FHIT: variants seen among roughly 807,000 people sequenced by gnomAD.
FHIT encodes fragile histidine triad diadenosine triphosphatase.
In FHIT, 19 loss-of-function variants were observed where a neutral mutation model predicts 17.9. That is an observed-to-expected ratio of 1.06 (90% CI 0.74 to 1.56). FHIT has a LOEUF of 1.56. Among genes scored for constraint, FHIT ranks in the 40% most tolerant of loss-of-function variants. The pLI, the probability that FHIT is intolerant of heterozygous loss-of-function variation, is 0.00. For missense variants in FHIT, 248 were observed against 189.2 expected (o/e 1.31, Z -1.82); for synonymous variants, 81 against 69.7 (o/e 1.16, Z -0.81).
At chr3:60,857,223 T>C (rs1197864208) in intron 3 of FHIT, among the ~76,000 whole-genome samples, 1 of 152,098 alleles carries the variant, frequency 6.6e-6, no homozygotes, top group African/African-American at 2.4e-5. Context: ...AACAGACTCA[T>C]GGTAAAATAA....
intron 5 of FHIT, among the ~76,000 whole-genome samples, chr3:60,198,690 C>A (rs1161679693): frequency 6.6e-6 from 1 of 152,096 alleles, no homozygotes; most frequent in Non-Finnish European, 1.5e-5. Flanking sequence ...ATGAGAAAAG[C>A]CCAAGGGAGG....
intron 5 of FHIT, among the ~76,000 whole-genome samples, chr3:60,316,109 A>G (rs957687560): frequency 6.6e-6 from 1 of 152,190 alleles, no homozygotes; most frequent in African/African-American, 2.4e-5. Flanking sequence ...CTAAAATAGC[A>G]TTGTAATAAA....
intron 4 of FHIT, among the ~76,000 whole-genome samples, chr3:60,577,603 G>A (rs1472718945): frequency 1.3e-5 from 2 of 152,134 alleles, no homozygotes; most frequent in Non-Finnish European, 2.9e-5. Context: ...AGGTTGCAGA[G>A]TTCACCTCAG....
rs143767947 is a variant in FHIT at position 59,756,416 on chromosome 3, T to A, written c.349-4095A>T. Among the ~76,000 whole-genome samples, 114 of 152,256 alleles carry A rather than the reference T, an allele frequency of 7.5e-4. 1 individual carries two copies. The highest frequency in any genetic ancestry group is 2.4e-3 in the African/African-American group (100 of 41,538). Reference sequence around the variant, plus strand: ...CTTCTCATGGTAAAAGCTAAGGTCCTATGGTAAAAGAATGTGGTGGAGGTC... The same window carrying A: ...CTTCTCATGGTAAAAGCTAAGGTCCAATGGTAAAAGAATGTGGTGGAGGTC... On this transcript the variant is annotated intron_variant, in intron 8 of 9. Transcript: ENST00000492590.
rs138499965 is a variant in FHIT at position 60,157,505 on chromosome 3, G to A, written c.104-143353C>T. Among the ~76,000 whole-genome samples, 603 of 152,228 alleles carry A rather than the reference G, an allele frequency of 4.0e-3. 5 individuals are homozygous for A. The highest frequency in any genetic ancestry group is 0.013 in the African/African-American group (542 of 41,548). On this transcript the variant is annotated intron_variant, in intron 5 of 9. Coordinates refer to ENST00000492590, the MANE Select transcript of FHIT (RefSeq NM_002012.4). The stretch of plus-strand genomic sequence containing the variant: ...AAAAAAAATAATAATAATAGCTCTT[G>A]TATTAGCATCCCAAGCAGTCTGGTG...
intron 4 of FHIT, among the ~76,000 whole-genome samples, chr3:60,794,205 T>C (rs1267679725): frequency 1.3e-5 from 2 of 152,214 alleles, no homozygotes; most frequent in Non-Finnish European, 2.9e-5. Context: ...AAACATTCTT[T>C]TTAAAAATAT....
At chr3:60,883,366 C>G (rs1049679618) in intron 3 of FHIT, among the ~76,000 whole-genome samples, 1 of 151,916 alleles carries the variant, frequency 6.6e-6, no homozygotes, top group African/African-American at 2.4e-5. Context: ...TAGAAAAAAT[C>G]CTAAAATTTA....
intron 4 of FHIT, among the ~76,000 whole-genome samples, chr3:60,576,396 C>A (rs1312543069): frequency 6.6e-6 from 1 of 152,028 alleles, no homozygotes; most frequent in Non-Finnish European, 1.5e-5. Context: ...TCTGCAAATG[C>A]TCCAGGGAAA....
intron 3 of FHIT, among the ~76,000 whole-genome samples, chr3:60,858,158 G>A (rs534725500): frequency 6.6e-6 from 1 of 152,146 alleles, no homozygotes; most frequent in African/African-American, 2.4e-5. Flanking sequence ...CACTTAATGA[G>A]TACTTAAAGA....
chr3:59,873,884 G>T (rs552602296), intron 8 of FHIT, among the ~76,000 whole-genome samples: 3 of 152,158 alleles, frequency 2.0e-5, no homozygotes, highest in African/African-American at 7.2e-5. Flanking sequence ...TAAATCTCCC[G>T]AGACAGCAAC....
intron 1 of FHIT, among the ~76,000 whole-genome samples, chr3:61,208,594 T>C (rs905024171): frequency 2.6e-5 from 4 of 152,066 alleles, no homozygotes; most frequent in East Asian, 3.8e-4. Context: ...CTTTTGATCT[T>C]TGTTGGTTTA....
intron 5 of FHIT, among the ~76,000 whole-genome samples, chr3:60,302,527 T>G (rs576140476): frequency 6.6e-6 from 1 of 152,306 alleles, no homozygotes; most frequent in African/African-American, 2.4e-5. Context: ...TGCAATTTAG[T>G]GATCATCACA....
chr3:60,024,824 T>G (rs6794968), intron 5 of FHIT, among the ~76,000 whole-genome samples: 78,647 of 152,046 alleles, frequency 0.52, 22,036 homozygotes, highest in East Asian at 0.75. Flanking sequence ...CAGCAGTCTG[T>G]ATTTATTCGC....
intron 8 of FHIT, among the ~76,000 whole-genome samples, chr3:59,869,657 T>C (rs1702829962): frequency 6.6e-6 from 1 of 150,928 alleles, no homozygotes; most frequent in African/African-American, 2.4e-5. Context: ...AATTTTTTTT[T>C]TTTTTGTATT....
At chr3:60,525,686 C>T (rs867503083) in intron 5 of FHIT, among the ~76,000 whole-genome samples, 3 of 152,176 alleles carry the variant, frequency 2.0e-5, no homozygotes, top group Middle Eastern at 3.4e-3. Flanking sequence ...ATTTTATATC[C>T]TATCAAGCAC....
At chr3:59,977,329 C>A (rs549138050) in intron 7 of FHIT, among the ~76,000 whole-genome samples, 116 of 152,228 alleles carry the variant, frequency 7.6e-4, no homozygotes, top group Non-Finnish European at 1.5e-3. Context: ...GCTCTCCTAG[C>A]AAAGATGACT....
intron 2 of FHIT, among the ~76,000 whole-genome samples, chr3:61,102,135 T>C (rs2035851534): frequency 6.6e-6 from 1 of 152,138 alleles, no homozygotes; most frequent in Admixed American, 6.6e-5. Context: ...CTTGTGCCAG[T>C]TTTCAAAGGG....
chr3:60,147,529 G>C (rs1700292489), intron 5 of FHIT, among the ~76,000 whole-genome samples: 1 of 152,178 alleles, frequency 6.6e-6, no homozygotes, highest in South Asian at 2.1e-4. Flanking sequence ...ACATGCGACA[G>C]GTAGGGATGC....
intron 5 of FHIT, among the ~76,000 whole-genome samples, chr3:60,525,913 A>G (rs1266442892): frequency 6.6e-6 from 1 of 151,996 alleles, no homozygotes; most frequent in African/African-American, 2.4e-5. Context: ...GATCAGCCTG[A>G]GCAACATGGT....
Sources: allele counts gnomAD v4.1 joint callset (sites outside exome capture counted in the v4.1 genomes callset), GRCh38; gene constraint gnomAD v4.1.1; transcripts MANE v1.5; gene names NCBI Gene and HGNC (gene_info 2026-07-23, HGNC 2026-07-21).